LARP4B: variants seen among roughly 807,000 people sequenced by gnomAD.
LARP4B encodes la-related protein 4B.
Under a neutral mutation model 89.8 loss-of-function variants are expected in LARP4B, and 12 were observed. The ratio of observed to expected loss-of-function variants is 0.13; its 90% CI spans 0.09 to 0.22. The LOEUF is 0.22. Among genes scored for constraint, LARP4B ranks in the 10% least tolerant of loss-of-function variants. LARP4B has a pLI of 1.00. For missense variants in LARP4B, 757 were observed against 947.7 expected, an observed-to-expected ratio of 0.80 and a Z score of 2.64; for synonymous variants, 367 against 363.3, an observed-to-expected ratio of 1.01 and a Z score of -0.12.
Position 825,762 on chromosome 10 carries a change from G to A in LARP4B, c.1232+2C>T. On this transcript the variant is annotated splice_donor_variant, in intron 12 of 17. Coordinates refer to ENST00000316157, the MANE Select transcript of LARP4B (RefSeq NM_015155.3). LOFTEE classifies it low-confidence loss of function (GC_TO_GT_DONOR). ...AACTGCTAAGACCGCCCCGGAACTT[G>A]CCTGCTTCGAGGAGGATACTGTCTG... 2 of 1,610,754 alleles carry A rather than the reference G, an allele frequency of 1.2e-6. No homozygotes were observed. Among genetic ancestry groups the A allele is most frequent in the Non-Finnish European group, 1.7e-6 (2 of 1,177,312 alleles).
intron 1 of LARP4B, among the ~76,000 whole-genome samples, chr10:892,459 A>T (rs1253609348): frequency 6.6e-6 from 1 of 152,272 alleles, no homozygotes; most frequent in Admixed American, 6.5e-5. Context: ...GACACACAAG[A>T]CAATCTTAAA....
intron 1 of LARP4B, among the ~76,000 whole-genome samples, chr10:922,419 C>A (rs1436416749): frequency 6.6e-6 from 1 of 152,174 alleles, no homozygotes; most frequent in Admixed American, 6.5e-5. Flanking sequence ...AGCCTGGTAA[C>A]AACTGTCAAT....
At position 830,746 on chromosome 10, in the gene LARP4B, C is replaced by T. The variant is rs1347447994; in HGVS notation, c.861+121G>A. 5.1e-6 allele frequency: 3 copies of T among 584,884 alleles called. No individual in the cohort carries two copies. In the African/African-American group the frequency reaches 5.9e-5, roughly 11 times the overall value. 36.2% of individuals were successfully genotyped at this position (584,884 alleles called of 1,614,324 possible). A position where few individuals can be genotyped will look rare whatever the true frequency, so the allele number is the denominator to read the frequency against. On this transcript the variant is annotated intron_variant, in intron 9 of 17. Coordinates refer to ENST00000316157, the MANE Select transcript of LARP4B (RefSeq NM_015155.3). ...AGTTTCTACAACTTGATTTCCTCTGCAGATTATATTCAAACTTACCATCAC... is the reference window on the plus strand; with the variant it reads ...AGTTTCTACAACTTGATTTCCTCTGTAGATTATATTCAAACTTACCATCAC...
chr10:887,090 TCACACACACACA>T (rs35099061), intron 1 of LARP4B, among the ~76,000 whole-genome samples: 1 of 148,674 alleles, frequency 6.7e-6, no homozygotes, highest in African/African-American at 2.5e-5. Flanking sequence ...TCCACCTCAC[TCACACACACACA>T]CACACACAAA....
chr10:918,034 A>C (rs920843734), intron 1 of LARP4B, among the ~76,000 whole-genome samples: 4 of 152,222 alleles, frequency 2.6e-5, no homozygotes, highest in African/African-American at 9.6e-5. Flanking sequence ...ATTTGGATTG[A>C]ATCTCCAATG....
chr10:875,432 G>C (rs1835417602), intron 3 of LARP4B, among the ~76,000 whole-genome samples: 1 of 152,006 alleles, frequency 6.6e-6, no homozygotes, highest in Admixed American at 6.6e-5. Flanking sequence ...CCATTCCCCC[G>C]ACCTCTTCTA....
intron 9 of LARP4B, 68 bp from the exon 10 acceptor site, chr10:829,802 C>T (rs1039731920): frequency 3.0e-6 from 3 of 1,008,764 alleles, no homozygotes; most frequent in Admixed American, 1.8e-5. Context: ...CAATAGTTCA[C>T]TCAATAGCTC....
rs1419231473 is a variant in LARP4B at position 815,238 on chromosome 10, C to A, written c.1696-168G>T. ...TCACAGAGCCCAGGACTATCCTCTG[C>A]CCCACAGATCGCCCACCCTTCTCTT... On this transcript the variant is annotated intron_variant, in intron 15 of 17. Coordinates refer to ENST00000316157, the MANE Select transcript of LARP4B (RefSeq NM_015155.3). 6 of 590,504 alleles carry A rather than the reference C, an allele frequency of 1.0e-5. No homozygotes were observed. In the South Asian group the frequency reaches 3.1e-4, roughly 31 times the overall value. The allele number at this position is 590,504 out of a possible 1,614,324, so 36.6% of individuals were successfully genotyped here.
the LARP4B span, chr10:985,860 G>A: frequency 6.6e-6 from 1 of 152,246 alleles, no homozygotes; most frequent in African/African-American, 2.4e-5. Context: ...GCTGCCTGAG[G>A]TGAGGGATGG....
intron 1 of LARP4B, among the ~76,000 whole-genome samples, chr10:900,498 C>T (rs914369492): frequency 1.7e-5 from 2 of 114,636 alleles, no homozygotes; most frequent in African/African-American, 6.8e-5. Flanking sequence ...TGCAGTGGCC[C>T]GATCTCAATT....
upstream of LARP4B, among the ~76,000 whole-genome samples, chr10:932,731 C>G (rs1306809885): frequency 4.8e-5 from 7 of 146,086 alleles, no homozygotes; most frequent in African/African-American, 1.8e-4. Flanking sequence ...TCCCGAACTC[C>G]CGCCCCACAC....
chr10:923,464 TC>T (rs1181948215), intron 1 of LARP4B, among the ~76,000 whole-genome samples: 2 of 145,128 alleles, frequency 1.4e-5, no homozygotes, highest in African/African-American at 5.2e-5. Context: ...GTGTGACTGC[TC>T]CCCAACCTGA....
chr10:979,772 C>T, the LARP4B span, among the ~76,000 whole-genome samples: 1 of 152,100 alleles, frequency 6.6e-6, no homozygotes, highest in Non-Finnish European at 1.5e-5. Context: ...GAGATAGAGA[C>T]CATCCTGGCT....
chr10:963,867 C>G, the LARP4B span, among the ~76,000 whole-genome samples: 3 of 152,172 alleles, frequency 2.0e-5, no homozygotes, highest in African/African-American at 7.2e-5. Context: ...GGGTGGAGCC[C>G]TTGTGACTCA....
chr10:850,406 G>A (rs1388840680), intron 5 of LARP4B, among the ~76,000 whole-genome samples: 1 of 152,144 alleles, frequency 6.6e-6, no homozygotes, highest in East Asian at 1.9e-4. Context: ...AGTAAATTGA[G>A]AGCAAAGACT....
intron 1 of LARP4B, among the ~76,000 whole-genome samples, chr10:908,719 C>T (rs1033512126): frequency 6.6e-6 from 1 of 152,214 alleles, no homozygotes; most frequent in Admixed American, 6.5e-5. Context: ...AGAAAAACCG[C>T]TTTTTCTTCA....
intron 1 of LARP4B, among the ~76,000 whole-genome samples, chr10:930,029 C>G (rs140088627): frequency 3.3e-5 from 5 of 152,032 alleles, no homozygotes; most frequent in South Asian, 2.1e-4. Context: ...ACGATTTCAA[C>G]TTCTGTAAAT....
rs200771138 is a variant in LARP4B, at chr10:885,677, C to G, written c.45G>C (p.Thr15=). The G allele has an allele frequency of 6.2e-7, 1 of 1,613,968 alleles. No homozygotes were observed. Among genetic ancestry groups the G allele is most frequent in the African/African-American group, 1.3e-5 (1 of 74,924 alleles). The change falls in exon 2 of 18, where the codon ACG becomes ACC. Residue 15 remains threonine (T), a synonymous_variant. Transcript: ENST00000316157. ...QDAKVVAEPQ[T]QRVQEGKDSA... is the part of the protein sequence containing the mutation. ...TGTCCTTGCCCTCCTGGACTCTCTG[C>G]GTCTGCGGTTCAGCCACAACCTTAG...
intron 5 of LARP4B, among the ~76,000 whole-genome samples, chr10:852,126 C>T (rs919791479): frequency 2.0e-5 from 3 of 152,038 alleles, no homozygotes; most frequent in African/African-American, 7.2e-5. Flanking sequence ...AAACTCCTGC[C>T]CACATGACTT....
Sources: allele counts gnomAD v4.1 joint callset (sites outside exome capture counted in the v4.1 genomes callset), GRCh38; gene constraint gnomAD v4.1.1; transcripts MANE v1.5; gene names NCBI Gene and HGNC (gene_info 2026-07-23, HGNC 2026-07-21).